Variants in SPHKAP observed in about 807,000 individuals in gnomAD.
The protein encoded by SPHKAP is SPHK1 interactor, AKAP domain containing, also known as A-kinase anchor protein SPHKAP.
In SPHKAP, 67 loss-of-function variants were observed where a neutral mutation model predicts 137.5. The ratio of observed to expected loss-of-function variants is 0.49; its 90% confidence interval spans 0.40 to 0.60. The LOEUF is 0.60. Ranked by LOEUF, SPHKAP falls within the 20% of genes least tolerant of loss-of-function variation. SPHKAP has a pLI of 0.00. For synonymous variants in SPHKAP, 813 were observed against 785.3 expected, an observed-to-expected ratio of 1.04 and a Z score of -0.59; for missense variants, 2,097 against 2,069.3, an observed-to-expected ratio of 1.01 and a Z score of -0.26.
chr2:228,089,800 T>C (rs1337004459), intron 3 of SPHKAP, among the ~76,000 whole-genome samples: 1 of 152,184 alleles, frequency 6.6e-6, no homozygotes, highest in Non-Finnish European at 1.5e-5. Flanking sequence ...GCTGTAAGCC[T>C]TGGCAGCTTC....
intron 3 of SPHKAP, among the ~76,000 whole-genome samples, chr2:228,034,316 C>A (rs1015227581): frequency 6.6e-5 from 10 of 152,134 alleles, no homozygotes; most frequent in African/African-American, 2.4e-4. Flanking sequence ...TACACCCTCC[C>A]AAGACTAAAC....
At chr2:228,177,910 A>C (rs544867441) in intron 1 of SPHKAP, among the ~76,000 whole-genome samples, 2 of 152,334 alleles carry the variant, frequency 1.3e-5, no homozygotes, top group African/African-American at 4.8e-5. Context: ...TTAAAATAGA[A>C]TCCAGTAAAC....
chr2:228,118,706 T>C (rs1410093696), intron 2 of SPHKAP, among the ~76,000 whole-genome samples: 1 of 152,138 alleles, frequency 6.6e-6, no homozygotes, highest in Non-Finnish European at 1.5e-5. Flanking sequence ...AAGTATTAGT[T>C]AGACTCTATA....
At chr2:228,026,762 T>G (rs940232556) in intron 4 of SPHKAP, among the ~76,000 whole-genome samples, 1 of 152,238 alleles carries the variant, frequency 6.6e-6, no homozygotes, top group African/African-American at 2.4e-5. Flanking sequence ...TGTGGGAAAC[T>G]GGGTTTGAGA....
intron 3 of SPHKAP, among the ~76,000 whole-genome samples, chr2:228,067,373 T>A (rs554419133): frequency 2.0e-5 from 3 of 152,124 alleles, no homozygotes; most frequent in Non-Finnish European, 4.4e-5. Context: ...AAGCAAACAG[T>A]TTACAAAATA....
chr2:228,039,324 T>C (rs1351727672), intron 3 of SPHKAP, among the ~76,000 whole-genome samples: 1 of 152,222 alleles, frequency 6.6e-6, no homozygotes, highest in Non-Finnish European at 1.5e-5. Context: ...AAACAAAACA[T>C]TGCAGGAATA....
chr2:228,057,482 A>T (rs1696485098), intron 3 of SPHKAP, among the ~76,000 whole-genome samples: 1 of 152,162 alleles, frequency 6.6e-6, no homozygotes, highest in Middle Eastern at 3.2e-3. Flanking sequence ...TCACAACTAC[A>T]AGAGAGAGTC....
intron 3 of SPHKAP, among the ~76,000 whole-genome samples, chr2:228,102,637 C>A (rs774865761): frequency 6.6e-5 from 10 of 152,182 alleles, no homozygotes; most frequent in Non-Finnish European, 1.0e-4. Context: ...AGCCTGCACT[C>A]CATACAGTAT....
chr2:227,982,681 A>G (rs1308339167), intron 11 of SPHKAP, among the ~76,000 whole-genome samples: 5 of 152,226 alleles, frequency 3.3e-5, no homozygotes, highest in African/African-American at 9.6e-5. Flanking sequence ...ACCTCATTCA[A>G]TTCTGTCACA....
chr2:228,104,963 C>A (rs1333194729), intron 3 of SPHKAP, among the ~76,000 whole-genome samples: 2 of 152,082 alleles, frequency 1.3e-5, no homozygotes, highest in African/African-American at 2.4e-5. Flanking sequence ...TGCTTGCTTT[C>A]TTTTCTTTCT....
rs762467654 is a variant in SPHKAP, at chr2:228,018,391, G to C, written c.2463C>G (p.Pro821=). 1 of 1,613,918 alleles carries C rather than the reference G, an allele frequency of 6.2e-7. No individual in the cohort carries two copies. Among genetic ancestry groups the C allele is most frequent in the Non-Finnish European group, 8.5e-7 (1 of 1,179,988 alleles). The change falls in exon 7 of 12, where the codon CCC becomes CCG. Residue 821 remains proline, a synonymous_variant. Coordinates refer to ENST00000392056, the MANE Select transcript of SPHKAP (RefSeq NM_001142644.2). ...QSQLSRSHRV[P]DSSTATTSSK... ...AGGATGTTGTAGCAGTTGAAGAATC[G>C]GGCACTCTGTGACTACGTGATAATT...
chr2:228,000,161 T>C (rs1223446283), intron 7 of SPHKAP, among the ~76,000 whole-genome samples: 1 of 152,208 alleles, frequency 6.6e-6, no homozygotes, highest in Non-Finnish European at 1.5e-5. Context: ...ATAGTTGGAA[T>C]CATATAGCAT....
intron 3 of SPHKAP, among the ~76,000 whole-genome samples, chr2:228,050,841 C>G (rs920680791): frequency 3.3e-5 from 5 of 152,066 alleles, no homozygotes; most frequent in African/African-American, 1.2e-4. Context: ...GGGTCTGACT[C>G]TGTTGCCCAG....
In SPHKAP at chr2:227,981,668, T is replaced by C. The variant is rs760865102; in HGVS notation, c.*49A>G. The C allele has an allele frequency of 6.3e-7, 1 of 1,577,188 alleles. No individual in the cohort carries two copies. Among genetic ancestry groups the C allele is most frequent in the East Asian group, 2.3e-5 (1 of 44,150 alleles). Reference sequence around the variant, plus strand: ...GAGCATTTAGAACAAACCACTGTAATCTAAGTTGGAATAAAGGGAAGGAAT... The same window carrying C: ...GAGCATTTAGAACAAACCACTGTAACCTAAGTTGGAATAAAGGGAAGGAAT... On this transcript the variant is annotated 3_prime_UTR_variant, in exon 12 of 12. Transcript: ENST00000392056.
At chr2:228,024,362 A>T (rs1421332822) in intron 5 of SPHKAP, among the ~76,000 whole-genome samples, 27 of 89,134 alleles carry the variant, frequency 3.0e-4, no homozygotes, top group East Asian at 7.9e-4. Flanking sequence ...TTTTTTTTTT[A>T]AATCTGTGAA....
At chr2:228,119,471 A>ACTCTCT (rs58155215) in intron 2 of SPHKAP, among the ~76,000 whole-genome samples, 88 of 148,554 alleles carry the variant, frequency 5.9e-4, no homozygotes, top group African/African-American at 1.8e-3. Context: ...ACACACACAC[A>ACTCTCT]CTCTCTCTCT....
chr2:228,166,450 C>T (rs1030425196), intron 1 of SPHKAP, among the ~76,000 whole-genome samples: 12 of 152,124 alleles, frequency 7.9e-5, no homozygotes, highest in African/African-American at 2.7e-4. Flanking sequence ...ATAATGAAGA[C>T]TAAATTCAAG....
chr2:228,035,648 T>C (rs1695559153), intron 3 of SPHKAP, among the ~76,000 whole-genome samples: 1 of 152,180 alleles, frequency 6.6e-6, no homozygotes, highest in South Asian at 2.1e-4. Flanking sequence ...AAGGCTACAG[T>C]AACCAAAACA....
At chr2:228,092,482 C>T (rs1189683311) in intron 3 of SPHKAP, among the ~76,000 whole-genome samples, 1 of 3,228 alleles carries the variant, frequency 3.1e-4, no homozygotes, top group Non-Finnish European at 5.5e-4. Context: ...TATATGTATA[C>T]ATATATGTGC....
Sources: allele counts gnomAD v4.1 joint callset (sites outside exome capture counted in the v4.1 genomes callset), GRCh38; gene constraint gnomAD v4.1.1; transcripts MANE v1.5; gene names NCBI Gene and HGNC (gene_info 2026-07-23, HGNC 2026-07-21).